The following ADAMTSL1 variants were observed in gnomAD, a reference collection of about 807,000 sequenced individuals.
The protein encoded by ADAMTSL1 is ADAMTS-like protein 1.
ADAMTSL1 carries 126 observed loss-of-function variants against 201.8 expected under a neutral mutation model. The observed-to-expected ratio is 0.62, with a 90% CI of 0.54 to 0.72. The LOEUF is 0.72. Ranked by LOEUF, ADAMTSL1 falls within the 30% of genes least tolerant of loss-of-function variation. The pLI is 0.00. For missense variants in ADAMTSL1, 2,679 were observed against 2,277.8 expected, an observed-to-expected ratio of 1.18 and a Z score of -3.59; for synonymous variants, 1,121 against 903.4, an observed-to-expected ratio of 1.24 and a Z score of -4.32.
chr9:18,235,088 T>C (rs977579637), intron 2 of ADAMTSL1, among the ~76,000 whole-genome samples: 2 of 152,172 alleles, frequency 1.3e-5, no homozygotes, highest in Non-Finnish European at 2.9e-5. Context: ...CATTTCTCTT[T>C]CCCTAATTTT....
At chr9:18,643,661 A>G (rs541441242) in intron 7 of ADAMTSL1, among the ~76,000 whole-genome samples, 114 of 152,012 alleles carry the variant, frequency 7.5e-4, no homozygotes, top group African/African-American at 2.7e-3. Flanking sequence ...TCCTTTTCGC[A>G]GCAACTTTGT....
At chr9:18,658,820 T>G (rs1828879622) in intron 8 of ADAMTSL1, among the ~76,000 whole-genome samples, 1 of 152,248 alleles carries the variant, frequency 6.6e-6, no homozygotes, top group Non-Finnish European at 1.5e-5. Flanking sequence ...TTTTATGCTT[T>G]TATAATACAA....
At chr9:18,038,574 A>G (rs563725117) in intron 1 of ADAMTSL1, among the ~76,000 whole-genome samples, 10 of 152,312 alleles carry the variant, frequency 6.6e-5, no homozygotes, top group African/African-American at 1.9e-4. Context: ...TTTTGCCTAA[A>G]GGATTTCAAA....
chr9:18,504,880 T>G lies in ADAMTSL1; in HGVS notation c.115T>G (p.Trp39Gly). The change falls in exon 2 of 29, where the codon TGG (tryptophan) becomes GGG (glycine). Residue 39 changes from tryptophan to glycine, a missense_variant. Trp to Gly is a radical substitution (Grantham distance 184). Coordinates refer to ENST00000380548, the MANE Select transcript of ADAMTSL1 (RefSeq NM_001040272.6). ...EEDRDGLWDAWGPWSECSRTC... is the reference protein window; with the variant it reads ...EEDRDGLWDAGGPWSECSRTC... ...GGACCGGGACGGCCTATGGGATGCC[T>G]GGGGCCCATGGAGTGAATGCTCACG... The G allele has an allele frequency of 6.2e-7, 1 of 1,613,684 alleles. No homozygotes were observed. Among genetic ancestry groups the G allele is most frequent in the Non-Finnish European group, 8.5e-7 (1 of 1,179,912 alleles).
intron 23 of ADAMTSL1, among the ~76,000 whole-genome samples, chr9:18,840,889 A>T (rs371188352): frequency 2.8e-4 from 42 of 148,356 alleles, no homozygotes; most frequent in East Asian, 2.7e-3. Flanking sequence ...TTGATTTTGT[A>T]TCCTGAGACT....
chr9:18,522,889 C>T (rs918497320), intron 2 of ADAMTSL1, among the ~76,000 whole-genome samples: 6 of 152,074 alleles, frequency 3.9e-5, no homozygotes, highest in African/African-American at 7.2e-5. Context: ...TGAATAGTGC[C>T]GCAATAAACA....
At chr9:18,692,504 G>C (rs1831294334) in intron 13 of ADAMTSL1, among the ~76,000 whole-genome samples, 1 of 152,150 alleles carries the variant, frequency 6.6e-6, no homozygotes, top group Admixed American at 6.5e-5. Flanking sequence ...GAGTGACAAA[G>C]ACAAATTAAT....
intron 1 of ADAMTSL1, among the ~76,000 whole-genome samples, chr9:18,085,709 C>T (rs1271726897): frequency 2.0e-5 from 3 of 148,812 alleles, no homozygotes; most frequent in Non-Finnish European, 4.5e-5. Flanking sequence ...TATATATATA[C>T]TGTGTGTGTA....
chr9:18,288,130 T>A (rs1444888523), intron 2 of ADAMTSL1, among the ~76,000 whole-genome samples: 2 of 152,138 alleles, frequency 1.3e-5, no homozygotes, highest in African/African-American at 4.8e-5. Context: ...TGGGAAATTC[T>A]AGGTGAAATA....
At chr9:18,121,783 C>T (rs963969693) in intron 1 of ADAMTSL1, among the ~76,000 whole-genome samples, 6 of 152,118 alleles carry the variant, frequency 3.9e-5, no homozygotes, top group Admixed American at 1.3e-4. Context: ...AACAGAAATT[C>T]TGAAATTGTG....
chr9:18,493,176 T>C (rs891234935), intron 1 of ADAMTSL1, among the ~76,000 whole-genome samples: 2 of 152,216 alleles, frequency 1.3e-5, no homozygotes, highest in Non-Finnish European at 2.9e-5. Context: ...GAAAATCTAA[T>C]GGAAATATGT....
At chr9:18,768,435 T>G (rs941329041) in intron 16 of ADAMTSL1, among the ~76,000 whole-genome samples, 1 of 150,990 alleles carries the variant, frequency 6.6e-6, no homozygotes, top group African/African-American at 2.4e-5. Context: ...CATTGGATTG[T>G]TTACCTCTCT....
rs758590376 is a variant in ADAMTSL1 at position 18,777,050 on chromosome 9, G to T, written c.2821G>T (p.Asp941Tyr). ...YLKIHRLKPS[D>Y]AGVYTCSAGP... Reference sequence around the variant, plus strand: ...CAAGATCCACCGCCTCAAGCCCTCGGATGCAGGCGTCTACACCTGCTCAGC... The same window carrying T: ...CAAGATCCACCGCCTCAAGCCCTCGTATGCAGGCGTCTACACCTGCTCAGC... Residue 941 changes from aspartate to tyrosine, a missense_variant, in exon 19 of 29, where the codon GAT becomes TAT. Asp to Tyr is a radical substitution (Grantham distance 160). Transcript: ENST00000380548. The T allele has an allele frequency of 1.2e-6, 2 of 1,612,388 alleles. No homozygotes were observed.
At chr9:17,980,828 A>AT (rs1818660415) in intron 1 of ADAMTSL1, among the ~76,000 whole-genome samples, 1 of 152,172 alleles carries the variant, frequency 6.6e-6, no homozygotes, top group Admixed American at 6.5e-5. Flanking sequence ...ATAAGAAGTA[A>AT]TCTTCTTATA....
At chr9:18,108,862 A>G (rs1278109587) in intron 1 of ADAMTSL1, among the ~76,000 whole-genome samples, 2 of 152,150 alleles carry the variant, frequency 1.3e-5, no homozygotes, top group East Asian at 1.9e-4. Context: ...ATCAGAATAC[A>G]TGTCGTAGTT....
Position 18,254,360 on chromosome 9 carries a change from T to G in ADAMTSL1, c.207+90379T>G, listed in dbSNP as rs1340786214. On this transcript the variant is annotated intron_variant, in intron 2 of 29. Transcript: ENST00000680146. ...ACTCTTTTTGGTTTTTTTTTTTTTT[T>G]TTTTTTTTTTTTTTTTTTTTGAGAT... is the stretch of plus-strand genomic sequence containing the variant. Among the ~76,000 whole-genome samples, 665 of 103,168 alleles carry G rather than the reference T, an allele frequency of 6.4e-3. 13 individuals carry two copies. The highest frequency in any genetic ancestry group is 0.037 in the Middle Eastern group (9 of 246). The allele number at this position is 103,168 out of a possible 152,430, so 67.7% of individuals were successfully genotyped here.
At chr9:18,267,437 T>G (rs1832162005) in intron 2 of ADAMTSL1, among the ~76,000 whole-genome samples, 1 of 152,120 alleles carries the variant, frequency 6.6e-6, no homozygotes, top group Admixed American at 6.6e-5. Context: ...ACACAGAAAC[T>G]TATCAGAAAC....
chr9:18,147,942 C>T (rs555371630), intron 1 of ADAMTSL1, among the ~76,000 whole-genome samples: 1 of 152,168 alleles, frequency 6.6e-6, no homozygotes, highest in South Asian at 2.1e-4. Context: ...GAAGTTTTTA[C>T]CTGCCATTAT....
chr9:18,027,860 T>G lies in ADAMTSL1; in HGVS notation c.87+120938T>G, dbSNP rs567392216. On this transcript the variant is annotated intron_variant, in intron 1 of 29. Transcript: ENST00000680146. ...TTGTGTGGCTACTTATTTTTATAGG[T>G]ATAGAAGTATTTGTTTTATAAATCT... Among the ~76,000 whole-genome samples, 7 of 152,240 alleles carry G rather than the reference T, an allele frequency of 4.6e-5. No homozygotes were observed. In the East Asian group the frequency reaches 1.2e-3, roughly 25 times the overall value.
Sources: allele counts gnomAD v4.1 joint callset (sites outside exome capture counted in the v4.1 genomes callset), GRCh38; gene constraint gnomAD v4.1.1; transcripts MANE v1.5; gene names NCBI Gene and HGNC (gene_info 2026-07-23, HGNC 2026-07-21).